Variants in ZFX observed in about 807,000 individuals in gnomAD.
The protein encoded by ZFX is zinc finger X-chromosomal protein.
For synonymous variants in ZFX, 196 were observed against 226.8 expected (o/e 0.86, Z 1.22); for missense variants, 362 against 628.3 (o/e 0.58, Z 4.53).
At chrX:24,173,684 C>A in intron 4 of ZFX, 2 of 657,504 alleles carry the variant, frequency 3.0e-6, no homozygotes, top group South Asian at 2.3e-5. Context: ...CTCCCAGGCT[C>A]AAGTGATCTG....
intron 5 of ZFX, among the ~76,000 whole-genome samples, chrX:24,191,676 T>C (rs1394018471): frequency 9.1e-6 from 1 of 110,090 alleles, no homozygotes; most frequent in Non-Finnish European, 1.9e-5. Context: ...TAGGAGGAAA[T>C]ACCCATCTTT....
rs181352363 is a variant in ZFX at position 24,207,090 on chromosome X, G to A, written c.647-236G>A. 1,688 of 288,988 alleles carry A rather than the reference G, an allele frequency of 5.8e-3. 36 individuals carry two copies. The highest frequency in any genetic ancestry group is 0.044 in the African/African-American group (1,562 of 35,389). 23.8% of individuals were successfully genotyped at this position (288,988 alleles called of 1,213,427 possible). A position where few individuals can be genotyped will look rare whatever the true frequency, so the allele number is the denominator to read the frequency against. On this transcript the variant is annotated intron_variant, in intron 5 of 9. Coordinates refer to ENST00000304543, the MANE Select transcript of ZFX (RefSeq NM_003410.4). ...CTACTAAAAATACAAAAAATTAGCC[G>A]GGCGTGGTGGTAGGCGCCTGTAGTC...
At chrX:24,188,514 T>C (rs1348041206) in intron 5 of ZFX, among the ~76,000 whole-genome samples, 1 of 111,019 alleles carries the variant, frequency 9.0e-6, no homozygotes, top group Non-Finnish European at 1.9e-5. Context: ...TGAGACATCA[T>C]TGAGTGTTCA....
intron 5 of ZFX, among the ~76,000 whole-genome samples, chrX:24,187,866 G>A (rs1260588391): frequency 4.5e-5 from 5 of 111,298 alleles, no homozygotes; most frequent in Non-Finnish European, 9.4e-5. Flanking sequence ...GATATAGAAA[G>A]TACTTTAGAA....
chrX:24,207,338 G>A lies in ZFX; in HGVS notation c.659G>A (p.Gly220Asp). The change falls in exon 6 of 10, where the codon GGC (glycine) becomes GAC (aspartate). Residue 220 changes from glycine to aspartate, a missense_variant. Gly to Asp is a moderately conservative substitution (Grantham distance 94). Coordinates refer to ENST00000304543, the MANE Select transcript of ZFX (RefSeq NM_003410.4). ...CCTTCCTTTTTAGTGGATGATGCTG[G>A]CAAAATAGAACACGATGGTTCTTCT... ...DYLMISLDDA[G>D]KIEHDGSSGM... is the part of the protein sequence containing the mutation. The A allele has an allele frequency of 8.3e-7, 1 of 1,207,997 alleles. No individual in the cohort carries two copies. Among genetic ancestry groups the A allele is most frequent in the Non-Finnish European group, 1.1e-6 (1 of 894,269 alleles).
intron 3 of ZFX, among the ~76,000 whole-genome samples, chrX:24,155,648 G>A (rs764452402): frequency 1.6e-4 from 18 of 112,350 alleles, no homozygotes; most frequent in Non-Finnish European, 3.0e-4. Flanking sequence ...CACTCCCGCT[G>A]TGTTTGATCC....
At chrX:24,169,854 G>C (rs995405550) in intron 3 of ZFX, among the ~76,000 whole-genome samples, 1 of 111,016 alleles carries the variant, frequency 9.0e-6, no homozygotes, top group African/African-American at 3.3e-5. Flanking sequence ...CTGAGCCGCA[G>C]TAAGGGGTGA....
At chrX:24,197,268 GA>G (rs767165985) in intron 5 of ZFX, among the ~76,000 whole-genome samples, 1 of 111,568 alleles carries the variant, frequency 9.0e-6, no homozygotes, top group African/African-American at 3.3e-5. Context: ...CCAGGAGTTC[GA>G]GGCCAGCCTG....
In ZFX at chrX:24,179,846, T is replaced by G. The variant is rs868507892; in HGVS notation, c.646+76T>G. 1.8e-5 allele frequency: 17 copies of G among 934,096 alleles called. No individual in the cohort carries two copies. The Middle Eastern group carries it at 3.0e-3, about 166-fold the overall frequency. 77.0% of individuals were successfully genotyped at this position (934,096 alleles called of 1,213,427 possible). On this transcript the variant is annotated intron_variant, in intron 5 of 9. Coordinates refer to ENST00000304543, the MANE Select transcript of ZFX (RefSeq NM_003410.4). Reference sequence around the variant, plus strand: ...TTCTAATTTACATCAGGGGTGAAATTTTCTTGACTTAAATGTCTGTAAAAG... The same window carrying G: ...TTCTAATTTACATCAGGGGTGAAATGTTCTTGACTTAAATGTCTGTAAAAG...
chrX:24,168,562 C>T (rs1934229444), intron 3 of ZFX, among the ~76,000 whole-genome samples: 2 of 109,969 alleles, frequency 1.8e-5, no homozygotes, highest in Admixed American at 9.8e-5. Context: ...TAATTACCTT[C>T]TTCTAGGATG....
chrX:24,208,868 G>C (rs1434911332), intron 8 of ZFX, 32 bp from the exon 9 acceptor site: 1 of 1,167,133 alleles, frequency 8.6e-7, no homozygotes, highest in Admixed American at 2.3e-5. Context: ...TTATAATACT[G>C]TATAATTTTG....
chrX:24,197,346 G>A (rs1936990900), intron 5 of ZFX, among the ~76,000 whole-genome samples: 1 of 111,189 alleles, frequency 9.0e-6, no homozygotes, highest in African/African-American at 3.3e-5. Context: ...AGGCAATAGG[G>A]GCAGTTAGAG....
chrX:24,160,815 C>T (rs940670761), intron 3 of ZFX, among the ~76,000 whole-genome samples: 14 of 111,371 alleles, frequency 1.3e-4, no homozygotes, highest in Non-Finnish European at 1.9e-4. Context: ...ACTTATTCCC[C>T]CTATTTAGCT....
At chrX:24,196,797 T>G (rs1336335405) in intron 5 of ZFX, among the ~76,000 whole-genome samples, 1 of 111,799 alleles carries the variant, frequency 8.9e-6, no homozygotes, top group Non-Finnish European at 1.9e-5. Context: ...GGTCTCACTA[T>G]GTTGTCCAGG....
chrX:24,178,573 G>A lies in ZFX; in HGVS notation c.59-610G>A, dbSNP rs374790127. Among the ~76,000 whole-genome samples, 13 of 104,850 alleles carry A rather than the reference G, an allele frequency of 1.2e-4. No individual in the cohort carries two copies. In the East Asian group the frequency reaches 3.9e-3, roughly 32 times the overall value. The allele number at this position is 104,850 out of a possible 115,157, so 91.0% of individuals were successfully genotyped here. A position where few individuals can be genotyped will look rare whatever the true frequency, so the allele number is the denominator to read the frequency against. ...CAAAGTGCTGGGATTACAGGACTGAGCCAGCGCGCCTGGCCTTTTTTTTTT... is the reference window on the plus strand; with the variant it reads ...CAAAGTGCTGGGATTACAGGACTGAACCAGCGCGCCTGGCCTTTTTTTTTT... On this transcript the variant is annotated intron_variant, in intron 4 of 9. Coordinates refer to ENST00000304543, the MANE Select transcript of ZFX (RefSeq NM_003410.4).
intron 3 of ZFX, among the ~76,000 whole-genome samples, chrX:24,153,210 A>C (rs1039203978): frequency 8.9e-6 from 1 of 111,823 alleles, no homozygotes; most frequent in Non-Finnish European, 1.9e-5. Flanking sequence ...AAACTACTCA[A>C]CGGGTCCTTG....
intron 5 of ZFX, among the ~76,000 whole-genome samples, chrX:24,186,981 A>C (rs1936168898): frequency 8.9e-6 from 1 of 112,176 alleles, no homozygotes; most frequent in African/African-American, 3.2e-5. Flanking sequence ...GCCTCATCCA[A>C]GGCATTAACG....
intron 4 of ZFX, among the ~76,000 whole-genome samples, chrX:24,175,831 G>A (rs1339371581): frequency 9.1e-6 from 1 of 110,472 alleles, no homozygotes; most frequent in Non-Finnish European, 1.9e-5. Context: ...CGCCTGCCTC[G>A]GCCTCCCAAA....
At chrX:24,199,917 CAA>C (rs750693884) in intron 5 of ZFX, among the ~76,000 whole-genome samples, 4 of 70,477 alleles carry the variant, frequency 5.7e-5, no homozygotes, top group Non-Finnish European at 8.4e-5. Flanking sequence ...AACTCCGTCT[CAA>C]AAAAAAAAAA....
Sources: gnomAD v4.1 joint callset for allele counts (sites outside exome capture counted in the v4.1 genomes callset) on GRCh38, gnomAD v4.1.1 for gene constraint, MANE v1.5 for transcripts, NCBI Gene and HGNC (gene_info 2026-07-23, HGNC 2026-07-21) for gene names.